FRMD4B: variants seen among roughly 807,000 people sequenced by gnomAD.
FRMD4B encodes the protein FERM domain-containing protein 4B.
FRMD4B carries 74 observed loss-of-function variants against 141.5 expected under a neutral mutation model. That is an observed-to-expected ratio of 0.52 (90% CI 0.43 to 0.63). The LOEUF (loss-of-function observed/expected upper bound fraction) is 0.63, where lower values mean the gene tolerates loss of function less well. Among genes scored for constraint, FRMD4B ranks in the 30% least tolerant of loss-of-function variants. The pLI, the probability that FRMD4B is intolerant of heterozygous loss-of-function variation, is 0.00. For synonymous variants in FRMD4B, 506 were observed against 467.9 expected (o/e 1.08, Z -1.05); for missense variants, 1,366 against 1,253.4 (o/e 1.09, Z -1.36).
chr3:69,392,000 C>T (rs1160758387), intron 2 of FRMD4B, among the ~76,000 whole-genome samples: 1 of 152,222 alleles, frequency 6.6e-6, no homozygotes, highest in African/African-American at 2.4e-5. Context: ...TTTGTTTCCC[C>T]AGTGGCTGGC....
intron 11 of FRMD4B, among the ~76,000 whole-genome samples, chr3:69,206,182 T>C (rs190231058): frequency 6.6e-6 from 1 of 152,204 alleles, no homozygotes; most frequent in East Asian, 1.9e-4. Context: ...AAACCCCATC[T>C]CTGCTAAAAA....
chr3:69,264,451 TTG>T (rs1277470134), intron 5 of FRMD4B, among the ~76,000 whole-genome samples: 1 of 152,186 alleles, frequency 6.6e-6, no homozygotes, highest in Non-Finnish European at 1.5e-5. Context: ...GGAATGCTTC[TTG>T]TGTTTCGTGA....
chr3:69,264,001 T>G (rs1172696969), intron 5 of FRMD4B, among the ~76,000 whole-genome samples: 1 of 151,642 alleles, frequency 6.6e-6, no homozygotes. Flanking sequence ...AATTTTTGTA[T>G]TTTTAGAGAC....
Position 69,484,270 on chromosome 3 carries a change from G to A in FRMD4B, c.-128-51509C>T, listed in dbSNP as rs17006001. ...TAAGCCTCTGTAAGATTGACTGCCC[G>A]GTCAGATTCCCACAGGGGCTGGATG... On this transcript the variant is annotated intron_variant, in intron 1 of 5. Coordinates refer to the FRMD4B transcript ENST00000459638. Among the ~76,000 whole-genome samples, 301 of 152,282 alleles carry A rather than the reference G, an allele frequency of 2.0e-3. 2 individuals are homozygous for A. Among genetic ancestry groups the A allele is most frequent in the African/African-American group, 7.1e-3 (297 of 41,564 alleles).
upstream of FRMD4B, chr3:69,386,137 T>A: frequency 1.4e-6 from 1 of 722,006 alleles, no homozygotes; most frequent in Non-Finnish European, 2.2e-6. Flanking sequence ...TCACCGTGCG[T>A]CCTGGCCAGG....
chr3:69,469,197 A>G (rs903495295), intron 1 of FRMD4B, among the ~76,000 whole-genome samples: 1 of 152,186 alleles, frequency 6.6e-6, no homozygotes, highest in African/African-American at 2.4e-5. Context: ...TGCCGGTTCT[A>G]TTACTACAAG....
At chr3:69,222,383 C>A (rs2093204581) in intron 8 of FRMD4B, among the ~76,000 whole-genome samples, 1 of 140,178 alleles carries the variant, frequency 7.1e-6, no homozygotes, top group Non-Finnish European at 1.5e-5. Context: ...AGGAGAACTG[C>A]TTGAACCTGG....
intron 5 of FRMD4B, among the ~76,000 whole-genome samples, chr3:69,265,641 G>T (rs544367198): frequency 6.6e-6 from 1 of 151,468 alleles, no homozygotes; most frequent in East Asian, 2.0e-4. Flanking sequence ...TAGTGACGGG[G>T]TTTCACTGTG....
chr3:69,283,789 T>C (rs965265558), intron 5 of FRMD4B, among the ~76,000 whole-genome samples: 1 of 152,170 alleles, frequency 6.6e-6, no homozygotes, highest in Non-Finnish European at 1.5e-5. Context: ...AGTCAACCCT[T>C]AGAGTTCTTA....
intron 1 of FRMD4B, among the ~76,000 whole-genome samples, chr3:69,538,562 A>AT (rs1283589151): frequency 6.6e-6 from 1 of 152,202 alleles, no homozygotes; most frequent in Non-Finnish European, 1.5e-5. Context: ...ACCTAAAAAA[A>AT]ATTACTGGTA....
At chr3:69,309,371 C>T (rs1357369613) in intron 3 of FRMD4B, among the ~76,000 whole-genome samples, 1 of 148,440 alleles carries the variant, frequency 6.7e-6, no homozygotes, top group Non-Finnish European at 1.5e-5. Context: ...GAACTCCTGG[C>T]CTCATGCAAT....
chr3:69,297,506 A>G (rs998780653), intron 4 of FRMD4B, among the ~76,000 whole-genome samples: 4 of 152,222 alleles, frequency 2.6e-5, no homozygotes, highest in African/African-American at 9.6e-5. Flanking sequence ...ACAACAAAAA[A>G]TAATAAAGGG....
At chr3:69,272,074 G>C (rs1197714535) in intron 5 of FRMD4B, among the ~76,000 whole-genome samples, 2 of 152,174 alleles carry the variant, frequency 1.3e-5, no homozygotes, top group Non-Finnish European at 2.9e-5. Flanking sequence ...GTTTAGTTTA[G>C]TGACTACTTG....
Position 69,463,935 on chromosome 3 carries a change from T to A in FRMD4B, c.-128-31174A>T, listed in dbSNP as rs144471321. Among the ~76,000 whole-genome samples the A allele has an allele frequency of 1.3e-3, 195 of 152,358 alleles. 1 individual carries two copies. Among genetic ancestry groups the A allele is most frequent in the African/African-American group, 4.5e-3 (189 of 41,588 alleles). ...ATTACTGGGTATCACAGAAGATGAT[T>A]GATCACTTATTCCCACAGCAGGCAG... On this transcript the variant is annotated intron_variant, in intron 1 of 5. Coordinates refer to the FRMD4B transcript ENST00000459638.
intron 1 of FRMD4B, among the ~76,000 whole-genome samples, chr3:69,493,236 G>A (rs1486673959): frequency 6.6e-6 from 1 of 152,172 alleles, no homozygotes; most frequent in African/African-American, 2.4e-5. Context: ...GGGGAGAGTA[G>A]AGTACAGTGT....
chr3:69,337,134 C>G (rs2107358176), intron 1 of FRMD4B, among the ~76,000 whole-genome samples: 1 of 152,048 alleles, frequency 6.6e-6, no homozygotes. Context: ...CAGAACAGAG[C>G]TCTCAGAAAT....
rs896099877 is a variant in FRMD4B at position 69,488,694 on chromosome 3, A to G, written c.-129+53512T>C. Reference sequence around the variant, plus strand: ...AAGGCGGGTAGATTATGAGGTCAGGAGTTCGAGACCAGCCTGGCCAAAGCA... The same window carrying G: ...AAGGCGGGTAGATTATGAGGTCAGGGGTTCGAGACCAGCCTGGCCAAAGCA... On this transcript the variant is annotated intron_variant, in intron 1 of 5. Coordinates refer to the FRMD4B transcript ENST00000459638. Among the ~76,000 whole-genome samples, 3 of 152,098 alleles carry G rather than the reference A, an allele frequency of 2.0e-5. No homozygotes were observed. The East Asian group carries it at 5.8e-4, about 29-fold the overall frequency.
At chr3:69,234,118 T>C (rs2093329361) in intron 7 of FRMD4B, among the ~76,000 whole-genome samples, 1 of 151,738 alleles carries the variant, frequency 6.6e-6, no homozygotes, top group Non-Finnish European at 1.5e-5. Flanking sequence ...TGGTGGCGCG[T>C]GCGTGTAGTC....
At chr3:69,226,247 T>C (rs2093253084) in intron 7 of FRMD4B, among the ~76,000 whole-genome samples, 1 of 152,194 alleles carries the variant, frequency 6.6e-6, no homozygotes, top group South Asian at 2.1e-4. Flanking sequence ...TCTATTCATT[T>C]GAAATCTGAG....
Sources: gnomAD v4.1 joint callset for allele counts (sites outside exome capture counted in the v4.1 genomes callset) on GRCh38, gnomAD v4.1.1 for gene constraint, MANE v1.5 for transcripts, NCBI Gene and HGNC (gene_info 2026-07-23, HGNC 2026-07-21) for gene names.